CYP3A5: variants seen among roughly 807,000 people sequenced by gnomAD.
The protein encoded by CYP3A5 is cytochrome P450 3A5.
A neutral mutation model predicts 55.9 loss-of-function variants in CYP3A5; 51 were observed. The observed-to-expected ratio is 0.91, with a 90% CI of 0.73 to 1.15. The LOEUF (loss-of-function observed/expected upper bound fraction) is 1.15. Ranked by LOEUF, CYP3A5 falls within the 50% of genes most tolerant of loss-of-function variation. The pLI, the probability that CYP3A5 is intolerant of heterozygous loss-of-function variation, is 0.00. For missense variants in CYP3A5, 533 were observed against 596.6 expected, an observed-to-expected ratio of 0.89 and a Z score of 1.11; for synonymous variants, 196 against 213.9, an observed-to-expected ratio of 0.92 and a Z score of 0.73.
intron 2 of CYP3A5, among the ~76,000 whole-genome samples, chr7:99,675,272 C>T (rs1812106024): frequency 1.3e-5 from 2 of 152,190 alleles, no homozygotes; most frequent in African/African-American, 4.8e-5. Context: ...ACAAACCTTC[C>T]TGTTGCTAAG....
At chr7:99,656,485 G>A (rs905637729) in intron 10 of CYP3A5, among the ~76,000 whole-genome samples, 5 of 152,174 alleles carry the variant, frequency 3.3e-5, no homozygotes, top group African/African-American at 1.2e-4. Flanking sequence ...CGGTTTGCCA[G>A]TATTTTATTG....
intron 2 of CYP3A5, among the ~76,000 whole-genome samples, 178 bp downstream of exon 2, chr7:99,675,937 T>C (rs1424342333): frequency 6.6e-6 from 1 of 151,372 alleles, no homozygotes; most frequent in Admixed American, 6.6e-5. Context: ...CTCAAGCAAT[T>C]TGCCAGTCTT....
chr7:99,676,147 G>A lies in CYP3A5; in HGVS notation c.133C>T (p.Pro45Ser). The change falls in exon 2 of 13, where the codon CCT becomes TCT. Residue 45 changes from proline to serine, a missense_variant. Pro to Ser is a moderately conservative substitution (Grantham distance 74). Coordinates refer to ENST00000222982, the MANE Select transcript of CYP3A5 (RefSeq NM_000777.5). ...RLGIPGPTPL[P>S]LLGNVLSYRQ... ...TAGGACAAAACATTTCCCAACAAAG[G>A]CAGAGGTGTGGGCCCTGGAATTCCC... The A allele has an allele frequency of 6.2e-7, 1 of 1,613,780 alleles. No homozygotes were observed. The highest frequency in any genetic ancestry group is 8.5e-7 in the Non-Finnish European group (1 of 1,179,888).
At chr7:99,664,161 T>C in intron 7 of CYP3A5, 66 bp from the exon 8 acceptor site, 2 of 1,243,594 alleles carry the variant, frequency 1.6e-6, no homozygotes, top group Non-Finnish European at 1.1e-6. Flanking sequence ...GGAGCAATTA[T>C]AATTTTCTCT....
chr7:99,675,213 C>G (rs995088043), intron 2 of CYP3A5, among the ~76,000 whole-genome samples: 9 of 152,120 alleles, frequency 5.9e-5, no homozygotes, highest in Non-Finnish European at 1.5e-5. Context: ...CACATCACAC[C>G]CAGCAAATTA....
At chr7:99,663,587 A>G (rs917433807) in intron 8 of CYP3A5, 16 of 994,656 alleles carry the variant, frequency 1.6e-5, no homozygotes, top group Non-Finnish European at 1.6e-5. Context: ...GTAAAATAAG[A>G]GTCTTGGACT....
chr7:99,648,884 C>G (rs1275622514), intron 12 of CYP3A5, among the ~76,000 whole-genome samples: 2 of 152,164 alleles, frequency 1.3e-5, no homozygotes, highest in African/African-American at 4.8e-5. Flanking sequence ...TTGAACCCAT[C>G]AAGTGCAATG....
At chr7:99,677,208 T>TC (rs1177975417) in intron 1 of CYP3A5, 1 of 985,356 alleles carries the variant, frequency 1.0e-6, no homozygotes, top group African/African-American at 1.7e-5. Context: ...TTGCAGACCT[T>TC]CCCCCTCCGG....
intron 11 of CYP3A5, among the ~76,000 whole-genome samples, chr7:99,651,432 T>C (rs1320754253): frequency 6.6e-6 from 1 of 152,100 alleles, no homozygotes; most frequent in Non-Finnish European, 1.5e-5. Context: ...GTACAGCGAG[T>C]GGTCTCTGAT....
intron 2 of CYP3A5, 55 bp from the exon 3 acceptor site, chr7:99,674,640 A>T (rs1409719599): frequency 1.1e-5 from 16 of 1,482,524 alleles, no homozygotes; most frequent in Non-Finnish European, 1.3e-5. Flanking sequence ...AATAAACCCT[A>T]CCTCTAATTG....
intron 2 of CYP3A5, among the ~76,000 whole-genome samples, chr7:99,675,597 T>TTCCTC (rs1408825542): frequency 8.6e-6 from 1 of 115,910 alleles, no homozygotes; most frequent in African/African-American, 3.2e-5. Context: ...TACACACCTT[T>TTCCTC]TCCTCTCCTC....
intron 4 of CYP3A5, chr7:99,671,456 A>T (rs2151439839): frequency 9.2e-6 from 2 of 218,068 alleles, no homozygotes; most frequent in South Asian, 1.8e-4. Context: ...TAAGAAATAG[A>T]TTCACAAAAT....
rs556571588 is a variant in CYP3A5, at chr7:99,653,806, G to T, written c.1027-1027C>A. On this transcript the variant is annotated intron_variant, in intron 10 of 12. Transcript: ENST00000222982. This position sits in a 1 kb window ranked among gnomAD's most constrained non-coding sequence, Gnocchi z 4.2. ...GAAAACTGTGGATGATATGTACCTA[G>T]CACTTGGTGTTATATTTGGGAGGCA... Among the ~76,000 whole-genome samples the T allele has an allele frequency of 1.3e-5, 2 of 152,202 alleles. No homozygotes were observed. The highest frequency in any genetic ancestry group is 2.9e-5 in the Non-Finnish European group (2 of 68,042).
rs984494886 is a variant in CYP3A5, at chr7:99,676,113, A to G, written c.165+2T>C. ...GCAAAAGAGGAAGCTCAAGCAACTC[A>G]CCTGACGATAGGACAAAACATTTCC... On this transcript the variant is annotated splice_donor_variant, in intron 2 of 12. Coordinates refer to ENST00000222982, the MANE Select transcript of CYP3A5 (RefSeq NM_000777.5). LOFTEE classifies it high-confidence loss of function. 1.2e-6 allele frequency: 2 copies of G among 1,613,166 alleles called. No homozygotes were observed. Among genetic ancestry groups the G allele is most frequent in the South Asian group, 2.2e-5 (2 of 91,076 alleles).
chr7:99,674,414 G>C (rs1224974870), intron 3 of CYP3A5, 119 bp downstream of exon 3: 11 of 681,338 alleles, frequency 1.6e-5, no homozygotes, highest in Admixed American at 5.6e-5. Context: ...ACCTCTCTCT[G>C]TTTGTATTTA....
chr7:99,669,738 G>T (rs979165931), intron 4 of CYP3A5, among the ~76,000 whole-genome samples: 6 of 152,186 alleles, frequency 3.9e-5, no homozygotes, highest in Admixed American at 6.5e-5. Flanking sequence ...AAATCGAAAT[G>T]TCACCATGCT....
chr7:99,679,752 A>C (rs1268271654), intron 1 of CYP3A5, 74 bp downstream of exon 1: 2 of 1,416,630 alleles, frequency 1.4e-6, no homozygotes, highest in Non-Finnish European at 2.0e-6. Context: ...TCTTCAAAAC[A>C]GATAAGGGAA....
At chr7:99,659,779 C>T (rs1300730434) in intron 10 of CYP3A5, 4 of 153,576 alleles carry the variant, frequency 2.6e-5, no homozygotes, top group Non-Finnish European at 4.3e-5. Context: ...CAATGGCGGG[C>T]GCCCCTCCCC....
Position 99,662,618 on chromosome 7 carries a change from C to T in CYP3A5, c.865+198G>A, listed in dbSNP as rs1810564818. Among the ~76,000 whole-genome samples the T allele has an allele frequency of 6.6e-6, 1 of 152,164 alleles. No individual in the cohort carries two copies. The highest frequency in any genetic ancestry group is 2.1e-4 in the South Asian group (1 of 4,820). On this transcript the variant is annotated intron_variant, in intron 9 of 12. Coordinates refer to ENST00000222982, the MANE Select transcript of CYP3A5 (RefSeq NM_000777.5). This position sits in a 1 kb window ranked among gnomAD's most constrained non-coding sequence, Gnocchi z 4.3. The stretch of plus-strand genomic sequence containing the variant: ...GCATTCTAGGTTTGCTTAGGGTTGC[C>T]CTTTCAGCCTGGAACATGGCTATAC...
Sources: gnomAD v4.1 joint callset for allele counts (sites outside exome capture counted in the v4.1 genomes callset) on GRCh38, gnomAD v4.1.1 for gene constraint, Gnocchi (gnomAD v3.1) non-coding constraint, MANE v1.5 for transcripts, NCBI Gene and HGNC (gene_info 2026-07-23, HGNC 2026-07-21) for gene names.